The following WHAMM variants were observed in gnomAD, a reference collection of about 807,000 sequenced individuals.
The protein encoded by WHAMM is WASP homolog associated with actin, golgi membranes and microtubules, also known as WASP homolog-associated protein with actin, membranes and microtubules.
In WHAMM, 67 loss-of-function variants were observed where a neutral mutation model predicts 76.5. That is an observed-to-expected ratio of 0.88 (90% CI 0.72 to 1.07). The LOEUF is 1.07. WHAMM is among the 50% of genes least tolerant of loss of function. The pLI is 0.00. For synonymous variants in WHAMM, 419 were observed against 422.1 expected (o/e 0.99, Z 0.09); for missense variants, 1,021 against 1,051.1 (o/e 0.97, Z 0.40).
Position 82,830,604 on chromosome 15 carries a change from C to T in WHAMM, c.1647C>T (p.Arg549=), listed in dbSNP as rs777101518. 3.7e-6 allele frequency: 6 copies of T among 1,608,970 alleles called. No homozygotes were observed. Among genetic ancestry groups the T allele is most frequent in the Non-Finnish European group, 5.1e-6 (6 of 1,176,388 alleles). ...CCATGGTTTTTCATTTTCAGAAACG[C>T]CTAGCTCAATCTGTCCGAAACACCT... ...LQRLRSFKDK[R]LAQSVRNTSG... is the part of the protein sequence containing the mutation. Residue 549 remains arginine (R), a synonymous_variant, in exon 9 of 10, where the codon CGC becomes CGT. Coordinates refer to ENST00000286760, the MANE Select transcript of WHAMM (RefSeq NM_001080435.3).
At chr15:82,830,426 TA>T (rs1240601697) in intron 8 of WHAMM, among the ~76,000 whole-genome samples, 172 bp from the exon 9 acceptor site, 1 of 152,224 alleles carries the variant, frequency 6.6e-6, no homozygotes, top group Non-Finnish European at 1.5e-5. Flanking sequence ...ATCTTTTTTT[TA>T]ATCCATGAAA....
Position 82,809,794 on chromosome 15 carries a change from C to T in WHAMM, c.68C>T (p.Pro23Leu), listed in dbSNP as rs994927644. 2.4e-5 allele frequency: 39 copies of T among 1,601,684 alleles called. No individual in the cohort carries two copies. The highest frequency in any genetic ancestry group is 3.3e-5 in the Non-Finnish European group (39 of 1,174,960). Residue 23 changes from proline (P) to leucine (L), a missense_variant, in exon 1 of 10, where the codon CCC becomes CTC. Transcript: ENST00000286760. ...GTCCGGGAGGGCCTCTTCGCCGAGC[C>T]CGAGAGGCACCGGCTGCGCTTCCTG... is the stretch of plus-strand genomic sequence containing the variant. The part of the protein sequence containing the change: ...VPVREGLFAE[P>L]ERHRLRFLVA...
intron 7 of WHAMM, 44 bp downstream of exon 7, chr15:82,826,540 G>T (rs377736516): frequency 6.3e-7 from 1 of 1,599,814 alleles, no homozygotes; most frequent in Non-Finnish European, 8.6e-7. Context: ...TGTGTAGCGT[G>T]ACATGCAGGC....
intron 1 of WHAMM, among the ~76,000 whole-genome samples, chr15:82,812,233 T>A (rs908901253): frequency 3.3e-5 from 5 of 152,220 alleles, no homozygotes; most frequent in African/African-American, 9.6e-5. Flanking sequence ...GGTCTTTTTT[T>A]AAAATTTTTT....
intron 9 of WHAMM, 67 bp from the exon 10 acceptor site, chr15:82,833,162 T>C: frequency 6.7e-7 from 1 of 1,490,390 alleles, no homozygotes; most frequent in Non-Finnish European, 9.0e-7. Flanking sequence ...CACAATTTCA[T>C]AGCAGTAATG....
chr15:82,832,197 ATGC>A (rs1229770932), intron 9 of WHAMM, among the ~76,000 whole-genome samples: 3 of 152,258 alleles, frequency 2.0e-5, no homozygotes, highest in Non-Finnish European at 4.4e-5. Context: ...CAACTCACAA[ATGC>A]TGCTAATTCA....
At position 82,831,022 on chromosome 15, in the gene WHAMM, G is replaced by C; in HGVS notation, c.2065G>C (p.Val689Leu). 1 of 1,609,442 alleles carries C rather than the reference G, an allele frequency of 6.2e-7. No homozygotes were observed. Among genetic ancestry groups the C allele is most frequent in the Non-Finnish European group, 8.5e-7 (1 of 1,179,566 alleles). ...GAAAGATGACCAGCCACGTCCTCTA[G>C]TGTGCGAATCACCTGCTGAGCGACC... is the stretch of plus-strand genomic sequence containing the variant. ...PVKDDQPRPL[V>L]CESPAERPRD... is the part of the protein sequence containing the mutation. Residue 689 changes from valine (V) to leucine (L), a missense_variant, in exon 9 of 10, where the codon GTG becomes CTG. Coordinates refer to ENST00000286760, the MANE Select transcript of WHAMM (RefSeq NM_001080435.3).
chr15:82,826,689 G>A, intron 7 of WHAMM, 62 bp from the exon 8 acceptor site: 2 of 1,530,104 alleles, frequency 1.3e-6, no homozygotes, highest in South Asian at 2.5e-5. Context: ...CATTTTTATT[G>A]TATGCCAAGA....
At position 82,825,355 on chromosome 15, in the gene WHAMM, T is replaced by C. The variant is rs2050913215; in HGVS notation, c.1459-1055T>C. On this transcript the variant is annotated intron_variant, in intron 6 of 9. Coordinates refer to ENST00000286760, the MANE Select transcript of WHAMM (RefSeq NM_001080435.3). The stretch of plus-strand genomic sequence containing the variant: ...GATGCCTCCACCTCCTTGGCAGTGT[T>C]TTTTATATATATATATAAAATGCTC... Among the ~76,000 whole-genome samples, 3 of 152,060 alleles carry C rather than the reference T, an allele frequency of 2.0e-5. No individual in the cohort carries two copies. The South Asian group carries it at 6.2e-4, about 32-fold the overall frequency.
intron 2 of WHAMM, among the ~76,000 whole-genome samples, chr15:82,813,647 ATTTTTTTTTTTTTTTTTT>A (rs10563149): frequency 1.7e-5 from 1 of 60,072 alleles, no homozygotes. Context: ...CTGGTGATGA[ATTTTTTTTTTTTTTTTTT>A]TTTTTTTTTT....
In WHAMM at chr15:82,810,230, A is replaced by T; in HGVS notation, c.504A>T (p.Ala168=). ...GCGGCGGCGCCACAGTGCGCGACGC[A>T]CTCTTCCCGGCTGAGGGCGGCGCGG... ...DGCGGATVRD[A]LFPAEGGAAD... The change falls in exon 1 of 10, where the codon GCA becomes GCT. Residue 168 remains alanine, a synonymous_variant. Coordinates refer to ENST00000286760, the MANE Select transcript of WHAMM (RefSeq NM_001080435.3). 1 of 1,415,374 alleles carries T rather than the reference A, an allele frequency of 7.1e-7. No homozygotes were observed. Among genetic ancestry groups the T allele is most frequent in the Non-Finnish European group, 9.2e-7 (1 of 1,084,214 alleles). The allele number at this position is 1,415,374 out of a possible 1,614,324, so 87.7% of individuals were successfully genotyped here.
At chr15:82,819,703 T>A (rs1483250601) in intron 5 of WHAMM, among the ~76,000 whole-genome samples, 1 of 152,184 alleles carries the variant, frequency 6.6e-6, no homozygotes, top group Admixed American at 6.5e-5. Flanking sequence ...CTAGAGATGC[T>A]TAGTGGTTGG....
rs1188062376 is a variant in WHAMM at position 82,813,228 on chromosome 15, A to G, written c.735A>G (p.Pro245=). 6.2e-7 allele frequency: 1 copy of G among 1,601,128 alleles called. No homozygotes were observed. The highest frequency in any genetic ancestry group is 1.3e-5 in the African/African-American group (1 of 74,390). Residue 245 remains proline, a synonymous_variant, in exon 2 of 10, where the codon CCA becomes CCG. Transcript: ENST00000286760. ...TGTTCTTCCAGTACTTATTGCAGCC[A>G]TTTAGGGCTATGCGAGAAGTTGCAA... The part of the protein sequence containing the change: ...ATMFFQYLLQ[P]FRAMREVATL...
chr15:82,833,476 G>C lies in WHAMM; in HGVS notation c.2370G>C (p.Arg790Ser). ...SIKAALQRIK[R>S]VSADSEEDSD... ...AGGCTGCGCTCCAGAGAATCAAGAG[G>C]GTGTCTGCTGACTCTGAGGAGGACA... Residue 790 changes from arginine (R) to serine (S), a missense_variant, in exon 10 of 10, where the codon AGG becomes AGC. Arg to Ser is a moderately radical substitution (Grantham distance 110). Coordinates refer to ENST00000286760, the MANE Select transcript of WHAMM (RefSeq NM_001080435.3). 5 of 1,613,970 alleles carry C rather than the reference G, an allele frequency of 3.1e-6. No individual in the cohort carries two copies. The highest frequency in any genetic ancestry group is 4.2e-6 in the Non-Finnish European group (5 of 1,179,896).
At chr15:82,826,375 A>G (rs2050933625) in intron 6 of WHAMM, 35 bp from the exon 7 acceptor site, 3 of 1,610,528 alleles carry the variant, frequency 1.9e-6, no homozygotes, top group Non-Finnish European at 2.5e-6. Context: ...GGGTAATATT[A>G]AAAACCATGT....
rs180743841 is a variant in WHAMM, at chr15:82,816,746, G to T, written c.838G>T (p.Glu280Ter). Reference protein sequence around the residue: ...GPRRVVALEKEAEEWTRRAEE... With the variant: ...GPRRVVALEK ...TAGAAGGGTAGTTGCCCTGGAGAAAGAAGCTGAAGAATGGACCAGACGGGC... is the reference window on the plus strand; with the variant it reads ...TAGAAGGGTAGTTGCCCTGGAGAAATAAGCTGAAGAATGGACCAGACGGGC... Residue 280 changes from glutamate to a stop codon, truncating the protein, a stop_gained, in exon 3 of 10, where the codon GAA (glutamate) becomes TAA (stop). Transcript: ENST00000286760. LOFTEE classifies it high-confidence loss of function. The T allele has an allele frequency of 1.9e-6, 3 of 1,558,584 alleles. No homozygotes were observed. In the East Asian group the frequency reaches 7.1e-5, roughly 37 times the overall value.
chr15:82,833,232 C>A lies in WHAMM; in HGVS notation c.2126C>A (p.Ser709Tyr). The change falls in exon 10 of 10, where the codon TCT becomes TAT. Residue 709 changes from serine (S) to tyrosine (Y), a missense_variant. By Grantham distance (144) the Ser-to-Tyr change is moderately radical. Coordinates refer to ENST00000286760, the MANE Select transcript of WHAMM (RefSeq NM_001080435.3). ...AGCTCTGCTTATTCAATTTCAGGAT[C>A]TATGGATGAAGTGTTGGCCTCCTTA... The part of the protein sequence containing the change: ...DSLESFSCPG[S>Y]MDEVLASLRH... 2 of 1,613,236 alleles carry A rather than the reference C, an allele frequency of 1.2e-6. No homozygotes were observed.
intron 1 of WHAMM, among the ~76,000 whole-genome samples, chr15:82,811,793 C>G (rs2050633120): frequency 6.6e-6 from 1 of 151,974 alleles, no homozygotes; most frequent in African/African-American, 2.4e-5. Flanking sequence ...AAATGTATCA[C>G]TTGCCTTAAG....
In WHAMM at chr15:82,834,038, CT is replaced by C. The variant is rs533547634; in HGVS notation, c.*512del. The C allele has an allele frequency of 1.7e-4, 25 of 150,624 alleles. No individual in the cohort carries two copies. The highest frequency in any genetic ancestry group is 3.0e-4 in the African/African-American group (12 of 40,410). The allele number at this position is 150,624 out of a possible 1,614,324, so 9.3% of individuals were successfully genotyped here. A position where few individuals can be genotyped will look rare whatever the true frequency, so the allele number is the denominator to read the frequency against. On this transcript the variant is annotated 3_prime_UTR_variant, in exon 10 of 10. Coordinates refer to ENST00000286760, the MANE Select transcript of WHAMM (RefSeq NM_001080435.3). ...ACAGGTGTGAGCCACCACGCCCAGC[CT>C]TTTTTTTTTCTTTCTTTTGAGACAG...
Sources: gnomAD v4.1 joint callset for allele counts (sites outside exome capture counted in the v4.1 genomes callset) on GRCh38, gnomAD v4.1.1 for gene constraint, MANE v1.5 for transcripts, NCBI Gene and HGNC (gene_info 2026-07-23, HGNC 2026-07-21) for gene names.